The following HMGB1 variants were observed in gnomAD, a reference collection of about 807,000 sequenced individuals.
HMGB1 encodes the protein high mobility group box 1, also known as high mobility group protein B1.
For missense variants in HMGB1, 79 were observed against 253.5 expected, an observed-to-expected ratio of 0.31 and a Z score of 4.67; for synonymous variants, 81 against 84.0, an observed-to-expected ratio of 0.96 and a Z score of 0.19.
At chr13:30,503,281 T>C (rs1006053340) in intron 1 of HMGB1, among the ~76,000 whole-genome samples, 1 of 151,812 alleles carries the variant, frequency 6.6e-6, no homozygotes, top group Non-Finnish European at 1.5e-5. Flanking sequence ...GAGGTGGAGC[T>C]TGCAGTGAGC....
chr13:30,586,489 T>G (rs376385223), intron 1 of HMGB1, among the ~76,000 whole-genome samples: 50,390 of 132,082 alleles, frequency 0.38, 10,418 homozygotes, highest in African/African-American at 0.49. Flanking sequence ...GTTTTTTTTT[T>G]TTTTTTTTTT....
intron 1 of HMGB1, chr13:30,554,070 A>T: frequency 7.4e-7 from 1 of 1,355,218 alleles, no homozygotes; most frequent in Non-Finnish European, 1.1e-6. Flanking sequence ...TGACCAAAAG[A>T]TGCTGTTTAA....
intron 1 of HMGB1, among the ~76,000 whole-genome samples, chr13:30,483,065 A>T (rs1424120158): frequency 6.6e-6 from 1 of 152,090 alleles, no homozygotes; most frequent in Non-Finnish European, 1.5e-5. Flanking sequence ...AAGTGCTGGA[A>T]TTATAGTGTG....
intron 1 of HMGB1, among the ~76,000 whole-genome samples, chr13:30,573,833 T>C (rs1038722833): frequency 2.6e-5 from 4 of 152,112 alleles, no homozygotes; most frequent in African/African-American, 9.7e-5. Context: ...TTGGTATTTT[T>C]TGCAGAGACG....
At chr13:30,594,130 G>T (rs1871494328) in intron 1 of HMGB1, among the ~76,000 whole-genome samples, 1 of 152,226 alleles carries the variant, frequency 6.6e-6, no homozygotes, top group African/African-American at 2.4e-5. Flanking sequence ...ACACACACGT[G>T]TATTAGCGGA....
chr13:30,531,675 G>A (rs1230246441), intron 1 of HMGB1, among the ~76,000 whole-genome samples: 13 of 149,972 alleles, frequency 8.7e-5, no homozygotes, highest in African/African-American at 2.7e-4. Flanking sequence ...CGAGGTGGGC[G>A]GATCACCTGA....
At chr13:30,518,599 ATATTAT>A (rs1460878860) in intron 1 of HMGB1, among the ~76,000 whole-genome samples, 5 of 152,160 alleles carry the variant, frequency 3.3e-5, no homozygotes, top group Admixed American at 6.6e-5. Flanking sequence ...TACCTTCTAC[ATATTAT>A]TATTGTTAGG....
chr13:30,498,702 C>A lies in HMGB1; in HGVS notation c.-14-35008G>T, dbSNP rs539681115. On this transcript the variant is annotated intron_variant, in intron 1 of 4. Coordinates refer to the HMGB1 transcript ENST00000405805. ...TTGCTTTGTGGCCCACGCTGGAGTG[C>A]AGTGGCATGACCTGGGCTCACTGAA... 4.6e-5 allele frequency among the ~76,000 whole-genome samples: 7 copies of A among 150,920 alleles called. No homozygotes were observed. In the East Asian group the frequency reaches 1.2e-3, roughly 25 times the overall value.
At chr13:30,561,869 A>G in intron 1 of HMGB1, among the ~76,000 whole-genome samples, 1 of 152,228 alleles carries the variant, frequency 6.6e-6, no homozygotes, top group Non-Finnish European at 1.5e-5. Flanking sequence ...TCCCATCCAC[A>G]GGAAATGCAG....
At chr13:30,528,419 G>T (rs1888418307) in intron 1 of HMGB1, among the ~76,000 whole-genome samples, 1 of 152,134 alleles carries the variant, frequency 6.6e-6, no homozygotes, top group Non-Finnish European at 1.5e-5. Flanking sequence ...GGTGGGGGGA[G>T]GGTGAGATCA....
chr13:30,515,925 C>A (rs536928805), intron 1 of HMGB1, among the ~76,000 whole-genome samples: 5 of 152,150 alleles, frequency 3.3e-5, no homozygotes, highest in Non-Finnish European at 7.4e-5. Flanking sequence ...TTCTATATAA[C>A]AAACCTACTT....
intron 1 of HMGB1, among the ~76,000 whole-genome samples, chr13:30,589,934 A>C (rs1327593426): frequency 6.6e-6 from 1 of 152,108 alleles, no homozygotes; most frequent in African/African-American, 2.4e-5. Flanking sequence ...GGACTGGCTG[A>C]AAATGTTTCT....
intron 1 of HMGB1, among the ~76,000 whole-genome samples, chr13:30,508,517 A>G (rs1887921098): frequency 7.2e-6 from 1 of 138,508 alleles, no homozygotes; most frequent in Non-Finnish European, 1.6e-5. Flanking sequence ...TCTCAAGAAA[A>G]AAAGAAAAGA....
chr13:30,611,598 G>C (rs902461024), intron 1 of HMGB1, among the ~76,000 whole-genome samples: 2 of 151,934 alleles, frequency 1.3e-5, no homozygotes, highest in African/African-American at 4.8e-5. Context: ...TTCCTCCATA[G>C]CTTCTACAAA....
At chr13:30,464,901 C>T (rs1177098865) in intron 1 of HMGB1, among the ~76,000 whole-genome samples, 3 of 141,204 alleles carry the variant, frequency 2.1e-5, no homozygotes, top group African/African-American at 7.7e-5. Context: ...GGGCGGGGGG[C>T]GCGCGGCCGG....
intron 1 of HMGB1, among the ~76,000 whole-genome samples, chr13:30,566,408 G>A (rs1384109704): frequency 6.6e-6 from 1 of 152,134 alleles, no homozygotes; most frequent in African/African-American, 2.4e-5. Flanking sequence ...TGCCACTGTA[G>A]GGCAAAAGCA....
intron 1 of HMGB1, among the ~76,000 whole-genome samples, chr13:30,537,549 TA>T (rs924246147): frequency 6.8e-4 from 102 of 150,576 alleles, no homozygotes; most frequent in African/African-American, 2.4e-3. Context: ...GTGTATTTTT[TA>T]AAAAAAATGT....
chr13:30,513,518 G>A (rs1888037169), intron 1 of HMGB1, among the ~76,000 whole-genome samples: 1 of 152,198 alleles, frequency 6.6e-6, no homozygotes, highest in Admixed American at 6.5e-5. Context: ...AAGGTAGTGG[G>A]AACTTAAATA....
At chr13:30,613,656 C>T (rs1950533557) in intron 1 of HMGB1, among the ~76,000 whole-genome samples, 1 of 152,136 alleles carries the variant, frequency 6.6e-6, no homozygotes, top group South Asian at 2.1e-4. Context: ...TATGTACATA[C>T]ATGCTCTCAG....
Sources: allele counts gnomAD v4.1 joint callset (sites outside exome capture counted in the v4.1 genomes callset), GRCh38; gene constraint gnomAD v4.1.1; transcripts MANE v1.5; gene names NCBI Gene and HGNC (gene_info 2026-07-23, HGNC 2026-07-21).